PNKP: variants seen among roughly 807,000 people sequenced by gnomAD.
PNKP encodes the protein polynucleotide kinase 3'-phosphatase.
Under a neutral mutation model 66.2 loss-of-function variants are expected in PNKP, and 82 were observed. The observed-to-expected ratio is 1.24, with a 90% confidence interval of 1.04 to 1.49. The LOEUF (loss-of-function observed/expected upper bound fraction) is 1.49, where lower values mean the gene tolerates loss of function less well. Among genes scored for constraint, PNKP ranks in the 40% most tolerant of loss-of-function variants. The probability of loss-of-function intolerance (pLI) is 0.00; values close to 1 mark genes in which losing one functional copy is unlikely to be tolerated. For synonymous variants in PNKP, 412 were observed against 298.9 expected, an observed-to-expected ratio of 1.38 and a Z score of -3.90; for missense variants, 907 against 706.8, an observed-to-expected ratio of 1.28 and a Z score of -3.21.
At chr19:49,861,407 G>A (rs750579593) in intron 16 of PNKP, 42 bp from the exon 17 acceptor site, 2 of 1,613,968 alleles carry the variant, frequency 1.2e-6, no homozygotes, top group Non-Finnish European at 1.7e-6. Context: ...TGGATCATGT[G>A]GCCCAGCCAG....
rs140940443 is a variant in PNKP, at chr19:49,866,384, C to T, written c.198+15G>A. On this transcript the variant is annotated intron_variant, in intron 3 of 16. Transcript: ENST00000322344. ...CATCCCCAGGCCTTGCTGGCCCTTG[C>T]AGAGGCACTGATACCTGTTTCACTG... The T allele has an allele frequency of 2.5e-6, 4 of 1,612,664 alleles. No homozygotes were observed. Among genetic ancestry groups the T allele is most frequent in the Non-Finnish European group, 3.4e-6 (4 of 1,178,614 alleles).
intron 8 of PNKP, 177 bp from the exon 9 acceptor site, chr19:49,862,915 G>A: frequency 2.8e-6 from 2 of 717,892 alleles, no homozygotes; most frequent in Non-Finnish European, 4.9e-6. Context: ...CCCCTCCGTG[G>A]TCTCTCCACA....
Position 49,864,346 on chromosome 19 carries a change from G to A in PNKP, c.556C>T (p.Pro186Ser), listed in dbSNP as rs1301142821. The stretch of plus-strand genomic sequence containing the variant: ...CACCTCCAGTCACTGGGGCCAGTGG[G>A]AAAGACCTTCCCAGAGCGTGTGGTG... ...LITTRSGKVFPTGPSDWRILY... is the reference protein window; with the variant it reads ...LITTRSGKVFSTGPSDWRILY... Residue 186 changes from proline (P) to serine (S), a missense_variant, in exon 5 of 17, where the codon CCC (proline) becomes TCC (serine). Coordinates refer to ENST00000322344, the MANE Select transcript of PNKP (RefSeq NM_007254.4). 1 of 1,614,004 alleles carries A rather than the reference G, an allele frequency of 6.2e-7. No individual in the cohort carries two copies. The highest frequency in any genetic ancestry group is 2.2e-5 in the East Asian group (1 of 44,886).
rs763604866 is a variant in PNKP, at chr19:49,862,194, A to C, written c.1117T>G (p.Phe373Val). 6.2e-7 allele frequency: 1 copy of C among 1,613,772 alleles called. No individual in the cohort carries two copies. The highest frequency in any genetic ancestry group is 1.1e-5 in the South Asian group (1 of 91,014). ...ASPEVVVAVG[F>V]PGAGKSTFLK... ...GGAACAGGACACTTACCCCCAGGGAATCCCACTGCGACAACCACCTCCGGG... is the reference window on the plus strand; with the variant it reads ...GGAACAGGACACTTACCCCCAGGGACTCCCACTGCGACAACCACCTCCGGG... The change falls in exon 12 of 17, where the codon TTC becomes GTC. Residue 373 changes from phenylalanine (F) to valine (V), a missense_variant. Coordinates refer to ENST00000322344, the MANE Select transcript of PNKP (RefSeq NM_007254.4).
Position 49,865,269 on chromosome 19 carries a change from G to A in PNKP, c.356C>T (p.Pro119Leu), listed in dbSNP as rs1477930328. The A allele has an allele frequency of 1.2e-5, 19 of 1,614,170 alleles. No individual in the cohort carries two copies. Among genetic ancestry groups the A allele is most frequent in the Non-Finnish European group, 1.5e-5 (18 of 1,179,990 alleles). The change falls in exon 4 of 17, where the codon CCG (proline) becomes CTG (leucine). Residue 119 changes from proline to leucine, a missense_variant. Physicochemically the swap from Pro to Leu is moderately conservative, Grantham distance 98. Transcript: ENST00000322344. ...TRTPESQPDT[P>L]PGTPLVSQDE... ...TTGGGACACCAGAGGGGTGCCAGGC[G>A]GAGTATCTGGCTGGGATTCTGGTGT...
rs749250190 is a variant in PNKP at position 49,864,218 on chromosome 19, A to T, written c.597T>A (p.Ile199=). The T allele has an allele frequency of 6.2e-7, 1 of 1,614,074 alleles. No homozygotes were observed. The highest frequency in any genetic ancestry group is 1.6e-4 in the Middle Eastern group (1 of 6,062). ...PSDWRILYPE[I]PRKLRELEAE... Reference sequence around the variant, plus strand: ...CTTCCAGCTCTCGGAGCTTACGGGGAATCTCTGGGTACAAGATCCTACGGC... The same window carrying T: ...CTTCCAGCTCTCGGAGCTTACGGGGTATCTCTGGGTACAAGATCCTACGGC... The change falls in exon 6 of 17, where the codon ATT becomes ATA. Residue 199 remains isoleucine, a synonymous_variant. Transcript: ENST00000322344.
At chr19:49,865,775 C>T (rs1471116924) in intron 3 of PNKP, among the ~76,000 whole-genome samples, 1 of 148,218 alleles carries the variant, frequency 6.7e-6, no homozygotes, top group Non-Finnish European at 1.5e-5. Context: ...CACCATGCCC[C>T]GCTAATTTTT....
Position 49,861,760 on chromosome 19 carries a change from C to T in PNKP, c.1298+12G>A, listed in dbSNP as rs747065246. ...CCGCCGCAGGCCACCTACGGCCCCG[C>T]GGTCACGCTACCTGGCGCGGCTCGC... On this transcript the variant is annotated intron_variant, in intron 14 of 16. Transcript: ENST00000322344. 13 of 1,562,186 alleles carry T rather than the reference C, an allele frequency of 8.3e-6. No homozygotes were observed. The highest frequency in any genetic ancestry group is 5.7e-5 in the Admixed American group (3 of 52,484).
intron 4 of PNKP, 60 bp downstream of exon 4, chr19:49,865,067 C>G (rs2074807838): frequency 1.3e-6 from 2 of 1,483,136 alleles, no homozygotes; most frequent in Non-Finnish European, 1.9e-6. Context: ...GAGCACGCAA[C>G]AAACGTGGGA....
chr19:49,864,656 T>C (rs2074804940), intron 4 of PNKP, among the ~76,000 whole-genome samples: 1 of 152,036 alleles, frequency 6.6e-6, no homozygotes, highest in African/African-American at 2.4e-5. Flanking sequence ...AAAATGGGGG[T>C]TAATGTCTTA....
intron 8 of PNKP, 79 bp downstream of exon 8, chr19:49,863,610 C>T (rs1378105102): frequency 1.8e-6 from 2 of 1,085,150 alleles, no homozygotes; most frequent in Non-Finnish European, 2.8e-6. Context: ...AAGGAGGCCC[C>T]AACCGGAGGC....
rs199919568 is a variant in PNKP, at chr19:49,862,369, A to G, written c.1029+2T>C. On this transcript the variant is annotated splice_donor_variant, in intron 11 of 16. Coordinates refer to ENST00000322344, the MANE Select transcript of PNKP (RefSeq NM_007254.4). LOFTEE classifies it high-confidence loss of function. Reference sequence around the variant, plus strand: ...ACCCCCACCCCCGCCCCAGGGCCTCACCGGATCAAAGGCTGGGAGCTCGAA... The same window carrying G: ...ACCCCCACCCCCGCCCCAGGGCCTCGCCGGATCAAAGGCTGGGAGCTCGAA... The G allele has an allele frequency of 1.8e-3, 2,277 of 1,280,492 alleles. No homozygotes were observed. Among genetic ancestry groups the G allele is most frequent in the Non-Finnish European group, 2.3e-3 (2,099 of 924,436 alleles). 79.3% of individuals were successfully genotyped at this position (1,280,492 alleles called of 1,614,324 possible). A position where few individuals can be genotyped will look rare whatever the true frequency, so the allele number is the denominator to read the frequency against.
chr19:49,862,824 G>T, intron 8 of PNKP, 86 bp from the exon 9 acceptor site: 1 of 1,389,684 alleles, frequency 7.2e-7, no homozygotes, highest in Non-Finnish European at 1.0e-6. Flanking sequence ...CGCCTGGTCT[G>T]TGCCCCACAT....
chr19:49,866,595 C>A (rs898950368), intron 2 of PNKP, 150 bp from the exon 3 acceptor site: 14 of 758,538 alleles, frequency 1.8e-5, no homozygotes, highest in Admixed American at 1.9e-5. Context: ...CATGCAGTAG[C>A]CAGATAGTGG....
chr19:49,861,679 G>A lies in PNKP; in HGVS notation c.1315C>T (p.Arg439Ter), dbSNP rs539286945. ...ASRARYVQCA[R>*]AAGVPCRCFL... ...CAGCGGCAGGGGACGCCCGCGGCTCGGGCACACTGGACGTACCTGTGGGGG... is the reference window on the plus strand; with the variant it reads ...CAGCGGCAGGGGACGCCCGCGGCTCAGGCACACTGGACGTACCTGTGGGGG... The change falls in exon 15 of 17, where the codon CGA becomes TGA. Residue 439 changes from arginine to a stop codon, truncating the protein, a stop_gained. Coordinates refer to ENST00000322344, the MANE Select transcript of PNKP (RefSeq NM_007254.4). LOFTEE classifies it high-confidence loss of function. 1.1e-5 allele frequency: 17 copies of A among 1,547,218 alleles called. No homozygotes were observed. The highest frequency in any genetic ancestry group is 2.7e-5 in the African/African-American group (2 of 73,088).
chr19:49,863,801 A>G (rs1223993704), intron 7 of PNKP, 41 bp from the exon 8 acceptor site: 1 of 1,526,830 alleles, frequency 6.5e-7, no homozygotes, highest in Non-Finnish European at 8.9e-7. Flanking sequence ...CTCCCCCTCA[A>G]GCACCTACTG....
At position 49,867,066 on chromosome 19, in the gene PNKP, A is replaced by G; in HGVS notation, c.139T>C (p.Ser47Pro). The change falls in exon 2 of 17, where the codon TCC (serine) becomes CCC (proline). Residue 47 changes from serine to proline, a missense_variant. Ser to Pro is a moderately conservative substitution (Grantham distance 74). Transcript: ENST00000322344. The stretch of plus-strand genomic sequence containing the variant: ...AGGCCCCGCTCACCTTGAGTTCTGG[A>G]GCACTTCCGGTCCGTAACCTGGGTC... ...PLTQVTDRKC[S>P]RTQVELVADP... The G allele has an allele frequency of 6.2e-6, 10 of 1,613,862 alleles. No individual in the cohort carries two copies. Among genetic ancestry groups the G allele is most frequent in the African/African-American group, 1.3e-5 (1 of 75,008 alleles).
chr19:49,866,323 C>A (rs527532250), intron 3 of PNKP, 76 bp downstream of exon 3: 12 of 1,323,748 alleles, frequency 9.1e-6, no homozygotes, highest in Non-Finnish European at 1.1e-5. Flanking sequence ...CCTAATGTAC[C>A]CCTTCACTGA....
chr19:49,862,502 C>G, intron 10 of PNKP, 36 bp downstream of exon 10: 4 of 1,598,658 alleles, frequency 2.5e-6, no homozygotes, highest in Non-Finnish European at 2.6e-6. Flanking sequence ...AGGCCAGGGT[C>G]GGGCTCGGGC....
Sources: allele counts gnomAD v4.1 joint callset (sites outside exome capture counted in the v4.1 genomes callset), GRCh38; gene constraint gnomAD v4.1.1; transcripts MANE v1.5; gene names NCBI Gene and HGNC (gene_info 2026-07-23, HGNC 2026-07-21).